ANK2: variants seen among roughly 807,000 people sequenced by gnomAD.
ANK2 encodes ankyrin-2.
In ANK2, 83 loss-of-function variants were observed where a neutral mutation model predicts 360.5. That is an observed-to-expected ratio of 0.23 (90% CI 0.19 to 0.28). ANK2 has a LOEUF of 0.28. Ranked by LOEUF, ANK2 falls within the 10% of genes least tolerant of loss-of-function variation. ANK2 has a pLI of 1.00. For synonymous variants in ANK2, 1,740 were observed against 1,759.5 expected (o/e 0.99, Z 0.28); for missense variants, 4,201 against 4,795.7 (o/e 0.88, Z 3.66).
At chr4:112,795,047 C>T in the ANK2 span, among the ~76,000 whole-genome samples, 2 of 152,188 alleles carry the variant, frequency 1.3e-5, no homozygotes, top group African/African-American at 4.8e-5. Flanking sequence ...TTTTAATTTT[C>T]TCTCTCTCCC....
In ANK2 at chr4:113,335,006, G is replaced by A. The variant is rs371294016; in HGVS notation, c.3380-840G>A. 9.9e-5 allele frequency among the ~76,000 whole-genome samples: 15 copies of A among 152,056 alleles called. No individual in the cohort carries two copies. The East Asian group carries it at 1.5e-3, about 16-fold the overall frequency. ...GCTATGCCCAATAATCAAGAAAAAC[G>A]TAGTTGCTGTTCCTGCCTCTATAAT... On this transcript the variant is annotated intron_variant, in intron 29 of 45. Transcript: ENST00000357077.
At chr4:113,080,141 C>T (rs937082114) in intron 1 of ANK2, among the ~76,000 whole-genome samples, 2 of 152,072 alleles carry the variant, frequency 1.3e-5, no homozygotes, top group South Asian at 2.1e-4. Context: ...TAATGTGTTC[C>T]GCCTGCCTCG....
intron 1 of ANK2, chr4:113,145,942 T>C (rs1372457839): frequency 7.8e-7 from 1 of 1,289,780 alleles, no homozygotes; most frequent in South Asian, 1.2e-5. Context: ...ATGCAGGAAC[T>C]GGATAAAACC....
intron 1 of ANK2, among the ~76,000 whole-genome samples, chr4:113,100,177 T>C (rs1219414449): frequency 6.6e-6 from 1 of 151,856 alleles, no homozygotes; most frequent in Non-Finnish European, 1.5e-5. Context: ...GTTAAAAGAA[T>C]AGAAAGACAA....
At chr4:112,795,066 C>A in the ANK2 span, among the ~76,000 whole-genome samples, 1 of 152,298 alleles carries the variant, frequency 6.6e-6, no homozygotes, top group South Asian at 2.1e-4. Flanking sequence ...CCCTACAAAT[C>A]TAATTTGACT....
intron 1 of ANK2, among the ~76,000 whole-genome samples, chr4:113,137,581 C>T (rs114908085): frequency 0.036 from 5,487 of 152,132 alleles, 318 homozygotes; most frequent in African/African-American, 0.12. Flanking sequence ...AGAAGAAAAC[C>T]CTTAATTTTT....
intron 1 of ANK2, among the ~76,000 whole-genome samples, chr4:112,875,065 T>G (rs1346135144): frequency 6.6e-6 from 1 of 151,054 alleles, no homozygotes; most frequent in Non-Finnish European, 1.5e-5. Flanking sequence ...TGAGACTGAG[T>G]CTGGCTCTGT....
intron 1 of ANK2, among the ~76,000 whole-genome samples, chr4:113,094,625 A>C (rs1471769459): frequency 1.3e-5 from 2 of 152,160 alleles, no homozygotes; most frequent in Non-Finnish European, 2.9e-5. Context: ...TAAAAGATGT[A>C]ATTGACATAG....
At chr4:112,946,171 G>GGAA (rs2094529844) in intron 2 of ANK2, among the ~76,000 whole-genome samples, 1 of 152,182 alleles carries the variant, frequency 6.6e-6, no homozygotes, top group African/African-American at 2.4e-5. Context: ...TCGGCTTTGA[G>GGAA]AGGGGCTTGT....
chr4:112,965,443 C>T (rs952309802), intron 2 of ANK2, among the ~76,000 whole-genome samples: 3 of 152,002 alleles, frequency 2.0e-5, no homozygotes, highest in Admixed American at 6.6e-5. Context: ...TATTTTCTCC[C>T]GTCCTGTGGA....
At chr4:113,208,229 A>G (rs925525931) in intron 4 of ANK2, among the ~76,000 whole-genome samples, 1 of 151,960 alleles carries the variant, frequency 6.6e-6, no homozygotes, top group East Asian at 1.9e-4. Flanking sequence ...GTCAGGTGCA[A>G]TGCAAAGCAA....
At chr4:112,752,444 CTCTG>C in the ANK2 span, among the ~76,000 whole-genome samples, 12 of 152,170 alleles carry the variant, frequency 7.9e-5, no homozygotes, top group African/African-American at 2.9e-4. Flanking sequence ...CAGGGTCTCT[CTCTG>C]TCTCACTGGC....
intron 2 of ANK2, among the ~76,000 whole-genome samples, chr4:113,038,586 G>A (rs2062137310): frequency 6.6e-6 from 1 of 151,802 alleles, no homozygotes; most frequent in African/African-American, 2.4e-5. Context: ...TCAGCAATGT[G>A]ACCTTTCCAC....
chr4:113,330,734 G>A (rs2092221817), intron 27 of ANK2, among the ~76,000 whole-genome samples: 1 of 152,136 alleles, frequency 6.6e-6, no homozygotes, highest in African/African-American at 2.4e-5. Flanking sequence ...GACCCCCAAT[G>A]TGAATAACCA....
chr4:113,346,389 C>T (rs749182497), intron 35 of ANK2, among the ~76,000 whole-genome samples: 1 of 152,108 alleles, frequency 6.6e-6, no homozygotes. Context: ...CATGTGCTTT[C>T]CTGCGACCAT....
the ANK2 span, among the ~76,000 whole-genome samples, chr4:112,746,522 A>G: frequency 2.6e-5 from 4 of 151,216 alleles, no homozygotes; most frequent in South Asian, 4.2e-4. Context: ...AAAAAAAAAA[A>G]AGAGAAAAAG....
At chr4:112,853,565 T>C (rs772887280) in intron 1 of ANK2, among the ~76,000 whole-genome samples, 3 of 152,196 alleles carry the variant, frequency 2.0e-5, no homozygotes, top group Admixed American at 1.3e-4. Context: ...GAAGTTTCCT[T>C]AAAGAAATTC....
the ANK2 span, among the ~76,000 whole-genome samples, chr4:112,712,923 G>C: frequency 2.6e-5 from 4 of 151,992 alleles, no homozygotes; most frequent in African/African-American, 7.3e-5. Flanking sequence ...AAATACTTAA[G>C]AGTCGTGTAA....
intron 1 of ANK2, among the ~76,000 whole-genome samples, chr4:112,855,328 T>C (rs2150027187): frequency 6.6e-6 from 1 of 152,340 alleles, no homozygotes; most frequent in East Asian, 1.9e-4. Flanking sequence ...TGCTCTATTG[T>C]CTTTGTTCGT....
Sources: gnomAD v4.1 joint callset for allele counts (sites outside exome capture counted in the v4.1 genomes callset) on GRCh38, gnomAD v4.1.1 for gene constraint, MANE v1.5 for transcripts, NCBI Gene and HGNC (gene_info 2026-07-23, HGNC 2026-07-21) for gene names.